The following KCTD16 variants were observed in gnomAD, a reference collection of about 807,000 sequenced individuals.
KCTD16 encodes BTB/POZ domain-containing protein KCTD16.
A neutral mutation model predicts 33.2 loss-of-function variants in KCTD16; 13 were observed. That is an observed-to-expected ratio of 0.39 (90% CI 0.25 to 0.62). The LOEUF is 0.62. KCTD16 is among the 20% of genes least tolerant of loss of function. The probability of loss-of-function intolerance (pLI) is 0.50; values close to 1 mark genes in which losing one functional copy is unlikely to be tolerated. For synonymous variants in KCTD16, 197 were observed against 195.3 expected, an observed-to-expected ratio of 1.01 and a Z score of -0.07; for missense variants, 441 against 525.1, an observed-to-expected ratio of 0.84 and a Z score of 1.57.
At chr5:144,186,942 A>G (rs1168107699) in intron 2 of KCTD16, among the ~76,000 whole-genome samples, 6 of 152,174 alleles carry the variant, frequency 3.9e-5, no homozygotes, top group Admixed American at 2.0e-4. Context: ...ATGGGATATA[A>G]TAATGAACAA....
chr5:144,244,574 G>C (rs961608756), intron 3 of KCTD16, among the ~76,000 whole-genome samples: 1 of 152,098 alleles, frequency 6.6e-6, no homozygotes, highest in African/African-American at 2.4e-5. Context: ...TATACTTTAT[G>C]GTCAGGTCAA....
intron 3 of KCTD16, among the ~76,000 whole-genome samples, chr5:144,398,625 A>G (rs1365215775): frequency 1.3e-5 from 2 of 152,124 alleles, no homozygotes; most frequent in Non-Finnish European, 2.9e-5. Context: ...TTGGCTACAT[A>G]TAAAAATGCT....
At chr5:144,247,243 A>G (rs1754575055) in intron 3 of KCTD16, among the ~76,000 whole-genome samples, 1 of 152,162 alleles carries the variant, frequency 6.6e-6, no homozygotes, top group Non-Finnish European at 1.5e-5. Flanking sequence ...ATGACTTCCA[A>G]GACTGGGTAA....
intron 3 of KCTD16, among the ~76,000 whole-genome samples, chr5:144,470,872 T>C (rs941969572): frequency 6.6e-6 from 1 of 152,160 alleles, no homozygotes; most frequent in Non-Finnish European, 1.5e-5. Context: ...CATGATGGTG[T>C]TTGTGTTGTT....
At chr5:144,183,593 TAC>T (rs368329660) in intron 2 of KCTD16, among the ~76,000 whole-genome samples, 3 of 152,174 alleles carry the variant, frequency 2.0e-5, no homozygotes, top group African/African-American at 7.2e-5. Context: ...CATTGCTTTA[TAC>T]ATGAGGAAAC....
chr5:144,427,689 A>G (rs1580956741), intron 3 of KCTD16, among the ~76,000 whole-genome samples: 2 of 152,132 alleles, frequency 1.3e-5, no homozygotes, highest in African/African-American at 4.8e-5. Context: ...ATTGGTATGG[A>G]GTACAGCCTG....
intron 3 of KCTD16, among the ~76,000 whole-genome samples, chr5:144,413,140 A>G (rs751716589): frequency 7.9e-5 from 12 of 152,246 alleles, no homozygotes; most frequent in Non-Finnish European, 1.5e-4. Context: ...ATACAAAAAT[A>G]TAATTACTAT....
intron 3 of KCTD16, among the ~76,000 whole-genome samples, chr5:144,422,329 G>T (rs935091265): frequency 6.6e-6 from 1 of 152,138 alleles, no homozygotes; most frequent in South Asian, 2.1e-4. Flanking sequence ...TTGGAATGGT[G>T]TGCCATGTAT....
chr5:144,293,379 C>A (rs565406356), intron 3 of KCTD16, among the ~76,000 whole-genome samples: 3 of 152,308 alleles, frequency 2.0e-5, no homozygotes, highest in South Asian at 4.1e-4. Flanking sequence ...TTTAACACTT[C>A]CCCAATCATT....
intron 3 of KCTD16, among the ~76,000 whole-genome samples, chr5:144,341,513 TA>T (rs761803378): frequency 1.3e-5 from 2 of 152,220 alleles, no homozygotes; most frequent in Non-Finnish European, 2.9e-5. Context: ...ATTTTCTCAG[TA>T]AAGATCTGAA....
At chr5:144,411,311 A>G (rs1182899085) in intron 3 of KCTD16, among the ~76,000 whole-genome samples, 1 of 152,218 alleles carries the variant, frequency 6.6e-6, no homozygotes. Flanking sequence ...TAACCAAATC[A>G]TCATAATAGT....
intron 3 of KCTD16, among the ~76,000 whole-genome samples, chr5:144,389,971 G>T (rs1281294106): frequency 6.6e-6 from 1 of 152,194 alleles, no homozygotes; most frequent in African/African-American, 2.4e-5. Flanking sequence ...ATTCCAGCAT[G>T]TAGACTGTCT....
chr5:144,430,141 T>G (rs1174222926), intron 3 of KCTD16, among the ~76,000 whole-genome samples: 2 of 151,756 alleles, frequency 1.3e-5, no homozygotes, highest in Non-Finnish European at 2.9e-5. Context: ...TGGTCATTGT[T>G]TTTTCTTAAC....
chr5:144,436,397 C>T (rs17101892), intron 3 of KCTD16, among the ~76,000 whole-genome samples: 11,858 of 152,048 alleles, frequency 0.078, 1,545 homozygotes, highest in African/African-American at 0.27. Context: ...TTTTAACCCT[C>T]TGACCTCATT....
intron 2 of KCTD16, among the ~76,000 whole-genome samples, chr5:144,189,539 G>T (rs1220945697): frequency 6.6e-6 from 1 of 151,936 alleles, no homozygotes; most frequent in Non-Finnish European, 1.5e-5. Flanking sequence ...TGTAGAGCAG[G>T]TACATAGAGT....
intron 3 of KCTD16, among the ~76,000 whole-genome samples, chr5:144,468,780 A>G (rs1561619599): frequency 6.6e-6 from 1 of 152,214 alleles, no homozygotes; most frequent in Non-Finnish European, 1.5e-5. Flanking sequence ...GTTGCAGTAA[A>G]TGATGTGCAT....
intron 3 of KCTD16, among the ~76,000 whole-genome samples, chr5:144,355,281 C>A (rs1419417973): frequency 1.3e-5 from 2 of 151,964 alleles, no homozygotes; most frequent in Admixed American, 6.6e-5. Context: ...CAGATTAAAA[C>A]AAAAATATGA....
At chr5:144,386,504 T>G (rs1359316942) in intron 3 of KCTD16, among the ~76,000 whole-genome samples, 3 of 152,216 alleles carry the variant, frequency 2.0e-5, no homozygotes, top group Non-Finnish European at 4.4e-5. Context: ...TTTCTCTCTC[T>G]TTCATTTGTA....
At chr5:144,337,347 T>A (rs2126895981) in intron 3 of KCTD16, among the ~76,000 whole-genome samples, 1 of 152,246 alleles carries the variant, frequency 6.6e-6, no homozygotes, top group Middle Eastern at 3.4e-3. Context: ...TTTTATATCA[T>A]TAGGGGTGTG....
Sources: allele counts gnomAD v4.1 joint callset (sites outside exome capture counted in the v4.1 genomes callset), GRCh38; gene constraint gnomAD v4.1.1; transcripts MANE v1.5; gene names NCBI Gene and HGNC (gene_info 2026-07-23, HGNC 2026-07-21).